Variants in KIRREL3 observed in about 807,000 individuals in gnomAD.
KIRREL3 encodes kin of IRRE-like protein 3.
Under a neutral mutation model 89.7 loss-of-function variants are expected in KIRREL3, and 36 were observed. The ratio of observed to expected loss-of-function variants is 0.40; its 90% CI spans 0.31 to 0.53. KIRREL3 has a LOEUF of 0.53. Among genes scored for constraint, KIRREL3 ranks in the 20% least tolerant of loss-of-function variants. The pLI is 0.49. For missense variants in KIRREL3, 864 were observed against 1,056.6 expected (o/e 0.82, Z 2.53); for synonymous variants, 445 against 441.4 (o/e 1.01, Z -0.10).
rs920046674 is a variant in KIRREL3 at position 126,522,937 on chromosome 11, C to T, written c.284-1473G>A. ...TGCTGTAGGAGGATGAGACGGGACA[C>T]ATTCAGCCTTTTAAAGAGAAGATGA... On this transcript the variant is annotated intron_variant, in intron 3 of 16. Transcript: ENST00000525144. The surrounding 1 kb of genome is among the most constrained non-coding windows in gnomAD (Gnocchi z 6.0). 3.3e-5 allele frequency among the ~76,000 whole-genome samples: 5 copies of T among 152,214 alleles called. No homozygotes were observed. Among genetic ancestry groups the T allele is most frequent in the Non-Finnish European group, 7.3e-5 (5 of 68,034 alleles).
At position 126,872,005 on chromosome 11, in the gene KIRREL3, A is replaced by G. The variant is rs1417473490; in HGVS notation, c.55+128450T>C. 6.6e-6 allele frequency among the ~76,000 whole-genome samples: 1 copy of G among 152,204 alleles called. No homozygotes were observed. The highest frequency in any genetic ancestry group is 2.4e-5 in the African/African-American group (1 of 41,456). On this transcript the variant is annotated intron_variant, in intron 1 of 16. Transcript: ENST00000525144. This position sits in a 1 kb window ranked among gnomAD's most constrained non-coding sequence, Gnocchi z 4.2. Reference sequence around the variant, plus strand: ...CCTGGACTTTGTACTTAATGCAGACAGTGGCTATGAGGTAGGAAATCAGCA... The same window carrying G: ...CCTGGACTTTGTACTTAATGCAGACGGTGGCTATGAGGTAGGAAATCAGCA...
intron 1 of KIRREL3, among the ~76,000 whole-genome samples, chr11:126,794,008 T>C (rs989377496): frequency 6.6e-6 from 1 of 152,210 alleles, no homozygotes; most frequent in Non-Finnish European, 1.5e-5. Context: ...GACTGAGAGA[T>C]AATTTGACTA....
chr11:127,000,096 A>G lies in KIRREL3; in HGVS notation c.55+359T>C, dbSNP rs904442054. On this transcript the variant is annotated intron_variant, in intron 1 of 16. Transcript: ENST00000525144. This position sits in a 1 kb window ranked among gnomAD's most constrained non-coding sequence, Gnocchi z 7.1. ...CGTCTCCTTCCCTGGCCTGGGTCTG[A>G]AGGAGAGGAGGTGCCCAGAAGTTCA... Among the ~76,000 whole-genome samples the G allele has an allele frequency of 1.3e-5, 2 of 152,062 alleles. No homozygotes were observed. The highest frequency in any genetic ancestry group is 2.9e-5 in the Non-Finnish European group (2 of 68,010).
rs181955830 is a variant in KIRREL3 at position 126,948,108 on chromosome 11, G to A, written c.55+52347C>T. On this transcript the variant is annotated intron_variant, in intron 1 of 16. Transcript: ENST00000525144. This position sits in a 1 kb window ranked among gnomAD's most constrained non-coding sequence, Gnocchi z 4.5. ...ACATATTATTGGATGTTAAACTACC[G>A]TGTAATTGATTTTCTATCCATTGCC... Among the ~76,000 whole-genome samples, 8 of 152,136 alleles carry A rather than the reference G, an allele frequency of 5.3e-5. No homozygotes were observed. The highest frequency in any genetic ancestry group is 7.4e-5 in the Non-Finnish European group (5 of 68,026).
In KIRREL3 at chr11:126,639,928, C is replaced by T. The variant is rs1364731081; in HGVS notation, c.56-77016G>A. ...GAAAGGCCACTTGCTTAATTGGGAA[C>T]ACTTTAATATAGATATCCATTAACT... On this transcript the variant is annotated intron_variant, in intron 1 of 16. Transcript: ENST00000525144. The surrounding 1 kb of genome is among the most constrained non-coding windows in gnomAD (Gnocchi z 4.3). 6.6e-6 allele frequency among the ~76,000 whole-genome samples: 1 copy of T among 152,190 alleles called. No homozygotes were observed. The highest frequency in any genetic ancestry group is 1.9e-4 in the East Asian group (1 of 5,200).
intron 1 of KIRREL3, among the ~76,000 whole-genome samples, chr11:126,573,644 C>T (rs1174160372): frequency 5.3e-5 from 8 of 152,298 alleles, no homozygotes; most frequent in Non-Finnish European, 8.8e-5. Flanking sequence ...CCTCTCAGCA[C>T]GGCAGCAATT....
rs745329068 is a variant in KIRREL3, at chr11:126,491,498, T to A, written c.434-18032A>T. Among the ~76,000 whole-genome samples, 3 of 152,084 alleles carry A rather than the reference T, an allele frequency of 2.0e-5. No homozygotes were observed. The highest frequency in any genetic ancestry group is 4.4e-5 in the Non-Finnish European group (3 of 68,020). ...TCCCATCTGGGCCAGACTGTTGGAC[T>A]CCAGTGTTGTCTGTCCCCCGAGTCG... On this transcript the variant is annotated intron_variant, in intron 4 of 16. Coordinates refer to ENST00000525144, the MANE Select transcript of KIRREL3 (RefSeq NM_032531.4). This position sits in a 1 kb window ranked among gnomAD's most constrained non-coding sequence, Gnocchi z 5.5.
chr11:126,733,166 T>C (rs1197996804), intron 1 of KIRREL3, among the ~76,000 whole-genome samples: 1 of 152,240 alleles, frequency 6.6e-6, no homozygotes, highest in Non-Finnish European at 1.5e-5. Flanking sequence ...ACTTTTGGCT[T>C]TCGGCTGAAC....
intron 1 of KIRREL3, among the ~76,000 whole-genome samples, chr11:126,790,965 A>G (rs1478697349): frequency 6.6e-6 from 1 of 152,214 alleles, no homozygotes; most frequent in Non-Finnish European, 1.5e-5. Context: ...CTTTTAAAAA[A>G]TATGAATAAA....
chr11:126,545,146 G>T (rs886465929), intron 2 of KIRREL3, among the ~76,000 whole-genome samples: 2 of 152,168 alleles, frequency 1.3e-5, no homozygotes, highest in African/African-American at 4.8e-5. Context: ...GAAGCCAAGA[G>T]CAGAACTGGT....
chr11:126,874,930 G>C (rs10790849), intron 1 of KIRREL3, among the ~76,000 whole-genome samples: 1 of 151,926 alleles, frequency 6.6e-6, no homozygotes, highest in Non-Finnish European at 1.5e-5. Context: ...GCCAAGGACC[G>C]AGTCCATGTC....
intron 1 of KIRREL3, among the ~76,000 whole-genome samples, chr11:126,925,095 G>T (rs1592377075): frequency 2.7e-5 from 1 of 36,562 alleles, no homozygotes; most frequent in Admixed American, 2.1e-4. Context: ...CCATAAAAAG[G>T]TCGGGGGGGG....
chr11:126,787,231 C>T (rs950954436), intron 1 of KIRREL3, among the ~76,000 whole-genome samples: 3 of 152,140 alleles, frequency 2.0e-5, no homozygotes, highest in Non-Finnish European at 2.9e-5. Flanking sequence ...TTTTCTCTTC[C>T]CCTATGGCAC....
At chr11:126,465,968 T>A (rs1049019971) in intron 5 of KIRREL3, among the ~76,000 whole-genome samples, 1 of 152,166 alleles carries the variant, frequency 6.6e-6, no homozygotes, top group Non-Finnish European at 1.5e-5. Flanking sequence ...TTGGTATTCT[T>A]CTTCTCTTCT....
rs142865755 is a variant in KIRREL3, at chr11:126,513,488, C to T, written c.433+7827G>A. ...ACTCAGGCAGGGAAGGGAAAAGATG[C>T]GCTGAGTTTGCCTCCATCCCTGAGG... On this transcript the variant is annotated intron_variant, in intron 4 of 16. Transcript: ENST00000525144. This position sits in a 1 kb window ranked among gnomAD's most constrained non-coding sequence, Gnocchi z 5.9. Among the ~76,000 whole-genome samples, 133 of 152,248 alleles carry T rather than the reference C, an allele frequency of 8.7e-4. 1 individual carries two copies. The highest frequency in any genetic ancestry group is 3.4e-3 in the Middle Eastern group (1 of 294).
intron 1 of KIRREL3, among the ~76,000 whole-genome samples, chr11:126,819,107 C>T (rs1017143623): frequency 3.3e-4 from 16 of 49,128 alleles, no homozygotes; most frequent in Non-Finnish European, 5.0e-4. Context: ...GGACCCCAAC[C>T]AGCCCAGTGA....
Position 126,742,377 on chromosome 11 carries a change from T to C in KIRREL3, c.56-179465A>G, listed in dbSNP as rs1949012808. 6.6e-6 allele frequency among the ~76,000 whole-genome samples: 1 copy of C among 152,090 alleles called. No homozygotes were observed. The highest frequency in any genetic ancestry group is 6.6e-5 in the Admixed American group (1 of 15,258). ...ATAGTGTATCCTAACCTGCTTGTGG[T>C]TCTAATTTATTTTCATGCCTCAGTG... On this transcript the variant is annotated intron_variant, in intron 1 of 16. Coordinates refer to ENST00000525144, the MANE Select transcript of KIRREL3 (RefSeq NM_032531.4). This position sits in a 1 kb window ranked among gnomAD's most constrained non-coding sequence, Gnocchi z 5.3.
rs747087593 is a variant in KIRREL3, at chr11:126,917,977, C to G, written c.55+82478G>C. On this transcript the variant is annotated intron_variant, in intron 1 of 16. Transcript: ENST00000525144. This position sits in a 1 kb window ranked among gnomAD's most constrained non-coding sequence, Gnocchi z 5.0. ...GCAGAATTTAGATGCTGTGACTCAT[C>G]TCTCCAAGCTGGGTTTCCATAAGAC... is the stretch of plus-strand genomic sequence containing the variant. 2.6e-5 allele frequency among the ~76,000 whole-genome samples: 4 copies of G among 152,196 alleles called. No individual in the cohort carries two copies. Among genetic ancestry groups the G allele is most frequent in the Non-Finnish European group, 4.4e-5 (3 of 68,036 alleles).
intron 1 of KIRREL3, among the ~76,000 whole-genome samples, chr11:126,825,084 T>C (rs1943361445): frequency 6.6e-6 from 1 of 152,190 alleles, no homozygotes; most frequent in Admixed American, 6.5e-5. Flanking sequence ...TGAGATTTAT[T>C]TTCCTTTCAT....
Sources: allele counts gnomAD v4.1 joint callset (sites outside exome capture counted in the v4.1 genomes callset), GRCh38; gene constraint gnomAD v4.1.1; non-coding constraint Gnocchi (gnomAD v3.1); transcripts MANE v1.5; gene names NCBI Gene and HGNC (gene_info 2026-07-23, HGNC 2026-07-21).